SLC39A14: variants seen among roughly 807,000 people sequenced by gnomAD.
SLC39A14 encodes the protein solute carrier family 39 member 14.
SLC39A14 carries 19 observed loss-of-function variants against 45.5 expected under a neutral mutation model. The observed-to-expected ratio is 0.42, with a 90% CI of 0.29 to 0.61. The LOEUF is 0.61. Among genes scored for constraint, SLC39A14 ranks in the 20% least tolerant of loss-of-function variants. The probability of loss-of-function intolerance (pLI) is 0.22; values close to 1 mark genes in which losing one functional copy is unlikely to be tolerated. For missense variants in SLC39A14, 447 were observed against 616.5 expected (o/e 0.73, Z 2.91); for synonymous variants, 264 against 251.3 (o/e 1.05, Z -0.48).
intron 1 of SLC39A14, 70 bp from the exon 2 acceptor site, chr8:22,404,626 C>A: frequency 6.9e-7 from 1 of 1,442,408 alleles, no homozygotes; most frequent in Non-Finnish European, 9.5e-7. Context: ...CAGTGTGTGG[C>A]GGGCGGGCCT....
At chr8:22,393,310 A>G (rs1289289853) in intron 1 of SLC39A14, 1 of 892,880 alleles carries the variant, frequency 1.1e-6, no homozygotes, top group Non-Finnish European at 1.3e-6. Flanking sequence ...GGGCAGGGCC[A>G]AGCGAGGGTT....
intron 2 of SLC39A14, among the ~76,000 whole-genome samples, chr8:22,407,608 ATCTGAG>A (rs985120541): frequency 6.6e-6 from 1 of 151,786 alleles, no homozygotes; most frequent in African/African-American, 2.4e-5. Context: ...TGATCTGCCC[ATCTGAG>A]TCTCCCAAAG....
chr8:22,415,488 G>T (rs1220418240), intron 5 of SLC39A14: 1 of 365,470 alleles, frequency 2.7e-6, no homozygotes. Context: ...TAGAAACGGG[G>T]TCTCGCTTCG....
At chr8:22,371,589 C>T (rs1263751102) in intron 1 of SLC39A14, among the ~76,000 whole-genome samples, 2 of 150,914 alleles carry the variant, frequency 1.3e-5, no homozygotes, top group Non-Finnish European at 3.0e-5. Context: ...CCTGCCATCA[C>T]ACTTGGCTAA....
chr8:22,401,905 A>G (rs1200301529), intron 1 of SLC39A14, among the ~76,000 whole-genome samples: 1 of 152,098 alleles, frequency 6.6e-6, no homozygotes, highest in African/African-American at 2.4e-5. Flanking sequence ...ACTTGCCGTT[A>G]TGCCATGACT....
intron 1 of SLC39A14, chr8:22,404,463 T>TTTG (rs1835081219): frequency 8.7e-6 from 1 of 114,822 alleles, no homozygotes; most frequent in Non-Finnish European, 1.8e-5. Flanking sequence ...TTGCTGTTTG[T>TTTG]TTTTTTTTTT....
intron 3 of SLC39A14, among the ~76,000 whole-genome samples, chr8:22,410,727 A>G (rs992200659): frequency 1.3e-5 from 2 of 152,186 alleles, no homozygotes; most frequent in Admixed American, 6.5e-5. Flanking sequence ...TTCTGATAGG[A>G]CTGACTTCCT....
intron 1 of SLC39A14, among the ~76,000 whole-genome samples, chr8:22,389,134 C>T (rs953427042): frequency 2.0e-5 from 3 of 152,262 alleles, no homozygotes; most frequent in African/African-American, 7.2e-5. Flanking sequence ...CCTGTGAGAC[C>T]GGTAGCCCTC....
intron 7 of SLC39A14, among the ~76,000 whole-genome samples, chr8:22,416,752 C>G (rs117272478): frequency 6.6e-6 from 1 of 152,016 alleles, no homozygotes; most frequent in Non-Finnish European, 1.5e-5. Context: ...CATTTCTTAA[C>G]GATTAAATAG....
At chr8:22,378,926 G>A (rs1290260632) in intron 1 of SLC39A14, among the ~76,000 whole-genome samples, 1 of 152,216 alleles carries the variant, frequency 6.6e-6, no homozygotes, top group Non-Finnish European at 1.5e-5. Flanking sequence ...CAAGATACCA[G>A]AAACTTGGTG....
chr8:22,411,869 T>C, intron 3 of SLC39A14, 168 bp from the exon 4 acceptor site: 2 of 593,880 alleles, frequency 3.4e-6, no homozygotes. Flanking sequence ...CCTCCCTACT[T>C]GTCTCTCTCT....
intron 3 of SLC39A14, 92 bp from the exon 4 acceptor site, chr8:22,411,944 AC>A: frequency 8.1e-7 from 1 of 1,237,976 alleles, no homozygotes; most frequent in South Asian, 1.5e-5. Flanking sequence ...TATCTGCTCC[AC>A]CTTCCTCCCG....
chr8:22,386,056 C>T (rs1586662498), intron 1 of SLC39A14, among the ~76,000 whole-genome samples: 1 of 152,048 alleles, frequency 6.6e-6, no homozygotes, highest in African/African-American at 2.4e-5. Context: ...TCTCCTGCCT[C>T]AGCTTCCCAA....
chr8:22,380,944 G>A (rs1833474363), intron 1 of SLC39A14, among the ~76,000 whole-genome samples: 1 of 151,218 alleles, frequency 6.6e-6, no homozygotes, highest in Non-Finnish European at 1.5e-5. Context: ...CCAAAGTGCT[G>A]GAATTACGGG....
chr8:22,381,427 G>A (rs1216368992), intron 1 of SLC39A14, among the ~76,000 whole-genome samples: 1 of 151,632 alleles, frequency 6.6e-6, no homozygotes, highest in Non-Finnish European at 1.5e-5. Flanking sequence ...CCCGCCACCA[G>A]GCCTGGCTAA....
At chr8:22,372,814 T>A (rs535380362) in intron 1 of SLC39A14, among the ~76,000 whole-genome samples, 1 of 152,216 alleles carries the variant, frequency 6.6e-6, no homozygotes, top group South Asian at 2.1e-4. Context: ...AAAGAAAAAT[T>A]TTTTTGAGAC....
Position 22,393,764 on chromosome 8 carries a change from T to A in SLC39A14, c.-15-10932T>A, listed in dbSNP as rs192119238. ...ATAGCTCACTGCAGCCTCAAACTCCTGGGCTCAAGCAGTCCTCCCACCTCA... is the reference window on the plus strand; with the variant it reads ...ATAGCTCACTGCAGCCTCAAACTCCAGGGCTCAAGCAGTCCTCCCACCTCA... On this transcript the variant is annotated intron_variant, in intron 1 of 8. Coordinates refer to ENST00000381237, the MANE Select transcript of SLC39A14 (RefSeq NM_001128431.4). 5.9e-3 allele frequency among the ~76,000 whole-genome samples: 896 copies of A among 152,238 alleles called. 8 individuals are homozygous for A. Among genetic ancestry groups the A allele is most frequent in the South Asian group, 0.054 (262 of 4,820 alleles).
intron 8 of SLC39A14, among the ~76,000 whole-genome samples, chr8:22,432,524 G>T (rs981834345): frequency 6.6e-6 from 1 of 150,438 alleles, no homozygotes; most frequent in Non-Finnish European, 1.5e-5. Flanking sequence ...TGCCACCCAG[G>T]CTGTAGTGTG....
chr8:22,403,760 A>C (rs1835027957), intron 1 of SLC39A14, among the ~76,000 whole-genome samples: 1 of 151,638 alleles, frequency 6.6e-6, no homozygotes, highest in Non-Finnish European at 1.5e-5. Context: ...TCTACTAAAA[A>C]TACAAAAATT....
Sources: gnomAD v4.1 joint callset for allele counts (sites outside exome capture counted in the v4.1 genomes callset) on GRCh38, gnomAD v4.1.1 for gene constraint, MANE v1.5 for transcripts, NCBI Gene and HGNC (gene_info 2026-07-23, HGNC 2026-07-21) for gene names.